ELL: variants seen among roughly 807,000 people sequenced by gnomAD.
ELL encodes elongation factor for RNA polymerase II, also known as RNA polymerase II elongation factor ELL.
A neutral mutation model predicts 64.0 loss-of-function variants in ELL; 18 were observed. That is an observed-to-expected ratio of 0.28 (90% CI 0.19 to 0.42). The LOEUF (loss-of-function observed/expected upper bound fraction) is 0.42, where lower values mean the gene tolerates loss of function less well. ELL is among the 10% of genes least tolerant of loss of function. The probability of loss-of-function intolerance (pLI) is 1.00; values close to 1 mark genes in which losing one functional copy is unlikely to be tolerated. For synonymous variants in ELL, 399 were observed against 376.2 expected (o/e 1.06, Z -0.70); for missense variants, 797 against 870.4 (o/e 0.92, Z 1.06).
intron 1 of ELL, among the ~76,000 whole-genome samples, chr19:18,509,600 C>CAT (rs1975970152): frequency 8.1e-5 from 1 of 12,278 alleles, no homozygotes; most frequent in Non-Finnish European, 1.6e-4. Flanking sequence ...CGCGCACATA[C>CAT]ACACACACAC....
At position 18,446,794 on chromosome 19, in the gene ELL, C is replaced by T. The variant is rs1974426745; in HGVS notation, c.1486G>A (p.Val496Ile). 6.8e-6 allele frequency: 11 copies of T among 1,614,104 alleles called. No homozygotes were observed. Among genetic ancestry groups the T allele is most frequent in the Non-Finnish European group, 9.3e-6 (11 of 1,180,026 alleles). Residue 496 changes from valine to isoleucine, a missense_variant, in exon 9 of 12, where the codon GTT (valine) becomes ATT (isoleucine). Coordinates refer to ENST00000262809, the MANE Select transcript of ELL (RefSeq NM_006532.4). ...GACGTGGACGTGGGAACACTGGAAA[C>T]GCTGCAGGTTCCGTTTAAACCTACG... ...DTPGLNGTCS[V>I]SSVPTSTSET... is the part of the protein sequence containing the mutation.
rs560365105 is a variant in ELL, at chr19:18,509,814, G to A, written c.135+12107C>T. Among the ~76,000 whole-genome samples the A allele has an allele frequency of 3.9e-4, 59 of 151,864 alleles. No homozygotes were observed. In the South Asian group the frequency reaches 0.012, roughly 30 times the overall value. On this transcript the variant is annotated intron_variant, in intron 1 of 11. Transcript: ENST00000262809. ...CCAAGGGCAGCAGCTGGACCCCCCC[G>A]CCCAGCCAGTGCCCCCCAGTGGGCT...
chr19:18,495,134 A>C (rs1378729060), intron 1 of ELL, among the ~76,000 whole-genome samples: 1 of 152,210 alleles, frequency 6.6e-6, no homozygotes, highest in Non-Finnish European at 1.5e-5. Context: ...AGAGTGACAC[A>C]GGGACCCCTG....
intron 1 of ELL, among the ~76,000 whole-genome samples, chr19:18,485,996 A>G (rs530700257): frequency 6.6e-6 from 1 of 151,854 alleles, no homozygotes; most frequent in South Asian, 2.1e-4. Context: ...AAAAAAAAAA[A>G]AAAGAAAGCA....
intron 1 of ELL, among the ~76,000 whole-genome samples, chr19:18,486,708 G>A (rs1422539776): frequency 6.6e-6 from 1 of 152,120 alleles, no homozygotes; most frequent in East Asian, 1.9e-4. Context: ...CCTCTGCAAA[G>A]CACCCAAACC....
intron 10 of ELL, chr19:18,445,491 C>A: frequency 3.3e-6 from 1 of 305,158 alleles, no homozygotes; most frequent in South Asian, 2.5e-5. Flanking sequence ...GCAGGTGGGG[C>A]ACTGCTGTTG....
rs538945951 is a variant in ELL, at chr19:18,459,669, G to C, written c.745-1340C>G. Among the ~76,000 whole-genome samples the C allele has an allele frequency of 9.9e-5, 15 of 152,014 alleles. No individual in the cohort carries two copies. In the East Asian group the frequency reaches 1.9e-3, roughly 20 times the overall value. ...GGAGTAGCTGGGACTACAGGCACCCGCCACCACGCCCGGCTAATTTTTTTG... is the reference window on the plus strand; with the variant it reads ...GGAGTAGCTGGGACTACAGGCACCCCCCACCACGCCCGGCTAATTTTTTTG... On this transcript the variant is annotated intron_variant, in intron 5 of 11. Coordinates refer to ENST00000262809, the MANE Select transcript of ELL (RefSeq NM_006532.4).
At chr19:18,481,679 T>C (rs1975301426) in intron 1 of ELL, among the ~76,000 whole-genome samples, 1 of 152,202 alleles carries the variant, frequency 6.6e-6, no homozygotes, top group Non-Finnish European at 1.5e-5. Flanking sequence ...AACCACCTAC[T>C]CAGCATGACG....
chr19:18,458,095 C>A, intron 6 of ELL, 110 bp downstream of exon 6: 1 of 1,543,100 alleles, frequency 6.5e-7, no homozygotes, highest in South Asian at 1.2e-5. Context: ...ATCCTGCTCC[C>A]AAGCCCTGTG....
intron 1 of ELL, among the ~76,000 whole-genome samples, chr19:18,519,091 G>C (rs568429579): frequency 6.6e-6 from 1 of 152,014 alleles, no homozygotes; most frequent in African/African-American, 2.4e-5. Flanking sequence ...GGCCGGGCAC[G>C]GTTGGTCACG....
In ELL at chr19:18,472,854, C is replaced by T. The variant is rs148764261; in HGVS notation, c.164G>A (p.Arg55Gln). The T allele has an allele frequency of 1.2e-4, 175 of 1,473,958 alleles. No homozygotes were observed. In the African/African-American group the frequency reaches 1.7e-3, roughly 14 times the overall value. 91.3% of individuals were successfully genotyped at this position (1,473,958 alleles called of 1,614,324 possible). Residue 55 changes from arginine to glutamine, a missense_variant, in exon 2 of 12, where the codon CGA becomes CAA. Physicochemically the swap from Arg to Gln is conservative, Grantham distance 43 (BLOSUM62 1). Transcript: ENST00000262809. ...QDSVSLRPSI[R>Q]FQGSQGHISI... ...ACTTACCCCTTGGCTTCCTTGAAAT[C>T]GGATAGATGGCCTCAGTGAAACAGA...
intron 7 of ELL, among the ~76,000 whole-genome samples, chr19:18,451,235 C>G (rs1974526877): frequency 6.6e-6 from 1 of 152,326 alleles, no homozygotes; most frequent in East Asian, 1.9e-4. Context: ...GTCTAAAGCG[C>G]TGCTGTGCTC....
In ELL at chr19:18,497,547, T is replaced by G. The variant is rs1024599254; in HGVS notation, c.135+24374A>C. Reference sequence around the variant, plus strand: ...GATGATAAAGACGTCAGGCTGGGTGTGGTGGCTCACACCTGTAATCCCAGC... The same window carrying G: ...GATGATAAAGACGTCAGGCTGGGTGGGGTGGCTCACACCTGTAATCCCAGC... On this transcript the variant is annotated intron_variant, in intron 1 of 11. Coordinates refer to ENST00000262809, the MANE Select transcript of ELL (RefSeq NM_006532.4). Among the ~76,000 whole-genome samples, 19 of 152,062 alleles carry G rather than the reference T, an allele frequency of 1.2e-4. 1 individual carries two copies. Among genetic ancestry groups the G allele is most frequent in the Admixed American group, 5.2e-4 (8 of 15,276 alleles).
rs57202732 is a variant in ELL, at chr19:18,494,400, G to GTT, written c.136-21520_136-21519dup. 1.3e-3 allele frequency among the ~76,000 whole-genome samples: 186 copies of GTT among 146,122 alleles called. 1 individual carries two copies. The highest frequency in any genetic ancestry group is 4.3e-3 in the African/African-American group (173 of 40,066). On this transcript the variant is annotated intron_variant, in intron 1 of 11. Coordinates refer to ENST00000262809, the MANE Select transcript of ELL (RefSeq NM_006532.4). Reference sequence around the variant, plus strand: ...AAGTTAGTTTCTTTTTTGTTTTTTTGTTTTTTTTTTTGAGACGGAGTCTTG... The same window carrying GTT: ...AAGTTAGTTTCTTTTTTGTTTTTTTGTTTTTTTTTTTTTGAGACGGAGTCTTG...
intron 4 of ELL, among the ~76,000 whole-genome samples, chr19:18,462,179 A>AGTGT (rs758119031): frequency 0.043 from 5,106 of 120,016 alleles, 120 homozygotes; most frequent in Middle Eastern, 0.09. Flanking sequence ...TCTGGTGGGC[A>AGTGT]GTGTGTGTGT....
rs1974332902 is a variant in ELL at position 18,443,279 on chromosome 19, G to A, written c.*1473C>T. On this transcript the variant is annotated 3_prime_UTR_variant, in exon 12 of 12. Transcript: ENST00000262809. Reference sequence around the variant, plus strand: ...TTTCCTCGGAGCTCTGGGAACCCGGGGGTCCCAAAGGAGAGAGACTCTCGG... The same window carrying A: ...TTTCCTCGGAGCTCTGGGAACCCGGAGGTCCCAAAGGAGAGAGACTCTCGG... The A allele has an allele frequency of 4.3e-6, 1 of 233,104 alleles. No individual in the cohort carries two copies. The highest frequency in any genetic ancestry group is 8.5e-6 in the Non-Finnish European group (1 of 117,862). The allele number at this position is 233,104 out of a possible 1,614,324, so 14.4% of individuals were successfully genotyped here. A position where few individuals can be genotyped will look rare whatever the true frequency, so the allele number is the denominator to read the frequency against.
At chr19:18,460,292 G>C (rs909239547) in intron 5 of ELL, among the ~76,000 whole-genome samples, 7 of 152,216 alleles carry the variant, frequency 4.6e-5, no homozygotes, top group African/African-American at 7.2e-5. Flanking sequence ...CAGCTGCTTG[G>C]GGGGAAGCAG....
At chr19:18,447,121 C>T (rs1050459172) in intron 8 of ELL, among the ~76,000 whole-genome samples, 2 of 152,240 alleles carry the variant, frequency 1.3e-5, no homozygotes, top group African/African-American at 4.8e-5. Flanking sequence ...TCTTGGCAAA[C>T]AGCGGACAGG....
intron 1 of ELL, among the ~76,000 whole-genome samples, chr19:18,493,733 A>G (rs1184479012): frequency 6.6e-6 from 1 of 152,140 alleles, no homozygotes; most frequent in African/African-American, 2.4e-5. Flanking sequence ...CCAGCTCCCT[A>G]ACAGGGGCTA....
Sources: gnomAD v4.1 joint callset for allele counts (sites outside exome capture counted in the v4.1 genomes callset) on GRCh38, gnomAD v4.1.1 for gene constraint, MANE v1.5 for transcripts, NCBI Gene and HGNC (gene_info 2026-07-23, HGNC 2026-07-21) for gene names.